The following FHDC1 variants were observed in gnomAD, a reference collection of about 807,000 sequenced individuals.
FHDC1 encodes FH2 domain containing 1, also known as FH2 domain-containing protein 1.
In FHDC1, 25 loss-of-function variants were observed where a neutral mutation model predicts 52.6. That is an observed-to-expected ratio of 0.48 (90% CI 0.35 to 0.66). The LOEUF (loss-of-function observed/expected upper bound fraction) is 0.66. FHDC1 is among the 30% of genes least tolerant of loss of function. The pLI is 0.01. For missense variants in FHDC1, 1,459 were observed against 1,452.8 expected (o/e 1.00, Z -0.07); for synonymous variants, 616 against 581.5 (o/e 1.06, Z -0.85).
intron 1 of FHDC1, among the ~76,000 whole-genome samples, chr4:152,939,393 C>T (rs948212620): frequency 6.6e-6 from 1 of 152,076 alleles, no homozygotes; most frequent in African/African-American, 2.4e-5. Flanking sequence ...CTCGGCTTCC[C>T]AAAGTGCTGG....
rs1740963659 is a variant in FHDC1, at chr4:152,978,335, G to A, written c.*1612G>A. On this transcript the variant is annotated 3_prime_UTR_variant, in exon 12 of 12. Coordinates refer to ENST00000511601, the MANE Select transcript of FHDC1 (RefSeq NM_001371116.1). ...ACTTCCTTCTTTTCTAACATGGCCT[G>A]GAGAGAGTCTCTCTCTCCTTGTCTC... is the stretch of plus-strand genomic sequence containing the variant. 3 of 152,168 alleles carry A rather than the reference G, an allele frequency of 2.0e-5. No homozygotes were observed. Among genetic ancestry groups the A allele is most frequent in the Admixed American group, 2.0e-4 (3 of 15,280 alleles). 9.4% of individuals were successfully genotyped at this position (152,168 alleles called of 1,614,324 possible). A position where few individuals can be genotyped will look rare whatever the true frequency, so the allele number is the denominator to read the frequency against.
chr4:152,935,576 G>C (rs1183118555), upstream of FHDC1, among the ~76,000 whole-genome samples: 3 of 152,218 alleles, frequency 2.0e-5, no homozygotes, highest in South Asian at 6.2e-4. Context: ...GTCTTTTTAC[G>C]CTTTAATACA....
rs770077946 is a variant in FHDC1, at chr4:152,976,064, C to T, written c.2773C>T (p.Arg925Trp). 6.3e-7 allele frequency: 1 copy of T among 1,598,888 alleles called. No individual in the cohort carries two copies. Among genetic ancestry groups the T allele is most frequent in the Non-Finnish European group, 8.5e-7 (1 of 1,173,478 alleles). Reference sequence around the variant, plus strand: ...CTGGAGGCGACCAGAGCTGTCATCCCGGGGGCCCTCCCAGAATCCCCCCAG... The same window carrying T: ...CTGGAGGCGACCAGAGCTGTCATCCTGGGGGCCCTCCCAGAATCCCCCCAG... ...AGWRRPELSS[R>W]GPSQNPPSST... Residue 925 changes from arginine (R) to tryptophan (W), a missense_variant, in exon 12 of 12, where the codon CGG becomes TGG. By Grantham distance (101) the Arg-to-Trp change is moderately radical. Around this residue, in one of 3 missense-constraint regions of FHDC1, gnomAD observed 939 missense variants for 854.5 expected, o/e 1.10. Coordinates refer to ENST00000511601, the MANE Select transcript of FHDC1 (RefSeq NM_001371116.1).
chr4:152,955,647 G>T (rs955041694), intron 4 of FHDC1, among the ~76,000 whole-genome samples: 1 of 152,174 alleles, frequency 6.6e-6, no homozygotes, highest in South Asian at 2.1e-4. Context: ...ACCACGCCCC[G>T]CCTAACTTTT....
intron 9 of FHDC1, among the ~76,000 whole-genome samples, chr4:152,967,712 G>A (rs955864902): frequency 3.9e-5 from 6 of 152,172 alleles, no homozygotes; most frequent in East Asian, 1.9e-4. Flanking sequence ...TTATGAAAAC[G>A]TTTGCAGATC....
chr4:152,947,071 T>C (rs901173459), intron 2 of FHDC1, among the ~76,000 whole-genome samples: 1 of 151,850 alleles, frequency 6.6e-6, no homozygotes, highest in Non-Finnish European at 1.5e-5. Context: ...ATACAAACAT[T>C]AGCCGGGCAT....
In FHDC1 at chr4:152,979,140, C is replaced by T. The variant is rs1740997455; in HGVS notation, c.*2417C>T. 6.6e-6 allele frequency: 1 copy of T among 152,180 alleles called. No homozygotes were observed. Among genetic ancestry groups the T allele is most frequent in the South Asian group, 2.1e-4 (1 of 4,828 alleles). 9.4% of individuals were successfully genotyped at this position (152,180 alleles called of 1,614,324 possible). On this transcript the variant is annotated 3_prime_UTR_variant, in exon 12 of 12. Transcript: ENST00000511601. Reference sequence around the variant, plus strand: ...TGGAGGAACCCTGGGTACCAAGCTCCCAGGCCCTTCCTCTATCATGGATGC... The same window carrying T: ...TGGAGGAACCCTGGGTACCAAGCTCTCAGGCCCTTCCTCTATCATGGATGC...
chr4:152,975,613 G>T lies in FHDC1; in HGVS notation c.2322G>T (p.Ser774=), dbSNP rs7688776. The T allele has an allele frequency of 2.5e-6, 4 of 1,613,528 alleles. No homozygotes were observed. The highest frequency in any genetic ancestry group is 3.4e-6 in the Non-Finnish European group (4 of 1,180,006). ...NKDPRPLFCI[S]DTTDCSLTLD... Reference sequence around the variant, plus strand: ...ATCCTAGACCTCTGTTCTGCATCTCGGACACCACCGACTGCTCACTGACCC... The same window carrying T: ...ATCCTAGACCTCTGTTCTGCATCTCTGACACCACCGACTGCTCACTGACCC... Residue 774 remains serine, a synonymous_variant, in exon 12 of 12, where the codon TCG becomes TCT. Transcript: ENST00000511601.
In FHDC1 at chr4:152,960,620, C is replaced by G. The variant is rs979012592; in HGVS notation, c.719C>G (p.Ser240Cys). Residue 240 changes from serine to cysteine, a missense_variant, in exon 5 of 12, where the codon TCC becomes TGC. Transcript: ENST00000511601. The part of the protein sequence containing the change: ...GDVSKLSLAD[S>C]FLYGLIQVPN... ...GTGTCGAAGCTGTCTCTGGCAGATT[C>G]CTTTCTGTATGGCTTAATTCAGGTG... 6 of 1,613,984 alleles carry G rather than the reference C, an allele frequency of 3.7e-6. No individual in the cohort carries two copies. In the Admixed American group the frequency reaches 6.7e-5, roughly 18 times the overall value.
At chr4:152,949,106 T>TAAGAAGAAGAAG (rs1341582128) in intron 2 of FHDC1, among the ~76,000 whole-genome samples, 1 of 69,686 alleles carries the variant, frequency 1.4e-5, no homozygotes, top group African/African-American at 5.5e-5. Flanking sequence ...ATAATAATAA[T>TAAGAAGAAGAAG]AATAATAATA....
chr4:152,974,629 G>A, intron 11 of FHDC1, 46 bp from the exon 12 acceptor site: 14 of 1,496,202 alleles, frequency 9.4e-6, no homozygotes, highest in Non-Finnish European at 1.2e-5. Context: ...ACTGCACATT[G>A]GTCCCACATG....
chr4:152,940,918 G>GC (rs1739557951), intron 1 of FHDC1, among the ~76,000 whole-genome samples: 1 of 152,158 alleles, frequency 6.6e-6, no homozygotes, highest in Non-Finnish European at 1.5e-5. Context: ...GCCTAGTTAT[G>GC]CCCCTAATGA....
the FHDC1 span, chr4:152,928,057 T>C: frequency 7.1e-7 from 1 of 1,410,310 alleles, no homozygotes; most frequent in South Asian, 1.2e-5. Flanking sequence ...ACTGCCCCTC[T>C]GCTGCAGTCT....
chr4:152,950,538 AAC>A (rs1362386445), intron 2 of FHDC1, among the ~76,000 whole-genome samples: 1 of 152,132 alleles, frequency 6.6e-6, no homozygotes, highest in Non-Finnish European at 1.5e-5. Flanking sequence ...TTGTTTCTGA[AAC>A]ACAGCTTGAG....
At chr4:152,968,168 C>T in intron 10 of FHDC1, 71 bp downstream of exon 10, 1 of 1,068,284 alleles carries the variant, frequency 9.4e-7, no homozygotes, top group Non-Finnish European at 1.4e-6. Flanking sequence ...GTTAAATTTG[C>T]ATGGGTGTAT....
chr4:152,913,689 A>AT, the FHDC1 span, among the ~76,000 whole-genome samples: 18 of 151,470 alleles, frequency 1.2e-4, no homozygotes, highest in East Asian at 3.9e-4. Flanking sequence ...TTATTTATTT[A>AT]TTTTTTTTGA....
At chr4:152,933,191 C>T (rs894254858), upstream of FHDC1, among the ~76,000 whole-genome samples, 30 of 152,198 alleles carry the variant, frequency 2.0e-4, no homozygotes, top group Admixed American at 1.2e-3. Context: ...CTCCAAGCCA[C>T]GAATGCCAGT....
At chr4:152,946,368 T>C (rs1309527974) in intron 2 of FHDC1, among the ~76,000 whole-genome samples, 2 of 152,240 alleles carry the variant, frequency 1.3e-5, no homozygotes, top group Non-Finnish European at 2.9e-5. Context: ...GGTAATGCTG[T>C]CACATAACAG....
chr4:152,917,090 AGCCACTGTTCCCG>A, the FHDC1 span: 1 of 152,210 alleles, frequency 6.6e-6, no homozygotes, highest in Non-Finnish European at 1.5e-5. Flanking sequence ...TACAGGTATG[AGCCACTGTTCCCG>A]GCCCCAAATT....
Sources: allele counts gnomAD v4.1 joint callset (sites outside exome capture counted in the v4.1 genomes callset), GRCh38; gene constraint gnomAD v4.1.1; regional missense constraint gnomAD v4.1.1; transcripts MANE v1.5; gene names NCBI Gene and HGNC (gene_info 2026-07-23, HGNC 2026-07-21).